The following RIMS4 variants were observed in gnomAD, a reference collection of about 807,000 sequenced individuals.
The protein encoded by RIMS4 is regulating synaptic membrane exocytosis 4, also known as regulating synaptic membrane exocytosis protein 4.
A neutral mutation model predicts 29.0 loss-of-function variants in RIMS4; 9 were observed. That is an observed-to-expected ratio of 0.31 (90% CI 0.19 to 0.54). The LOEUF is 0.54. RIMS4 is among the 20% of genes least tolerant of loss of function. The pLI, the probability that RIMS4 is intolerant of heterozygous loss-of-function variation, is 0.94. For missense variants in RIMS4, 193 were observed against 365.7 expected, an observed-to-expected ratio of 0.53 and a Z score of 3.85; for synonymous variants, 130 against 152.9, an observed-to-expected ratio of 0.85 and a Z score of 1.10.
At position 44,757,019 on chromosome 20, in the gene RIMS4, T is replaced by C; in HGVS notation, c.470A>G (p.Tyr157Cys). The C allele has an allele frequency of 1.2e-6, 2 of 1,613,980 alleles. No homozygotes were observed. The highest frequency in any genetic ancestry group is 8.5e-7 in the Non-Finnish European group (1 of 1,179,924). The change falls in exon 5 of 6, where the codon TAC becomes TGC. Residue 157 changes from tyrosine to cysteine, a missense_variant. Transcript: ENST00000372851. ...AATGCAGATGCCATTCTCTAGCAGG[T>C]AGGCCTTGATGTAGGCCGCTGGGGA... ...KTLPAAYIKA[Y>C]LLENGICIAK...
rs534425251 is a variant in RIMS4, at chr20:44,786,176, TC to T, written c.98-14764del. Among the ~76,000 whole-genome samples, 20 of 152,260 alleles carry T rather than the reference TC, an allele frequency of 1.3e-4. No individual in the cohort carries two copies. In the South Asian group the frequency reaches 3.1e-3, roughly 24 times the overall value. On this transcript the variant is annotated intron_variant, in intron 1 of 5. Transcript: ENST00000372851. ...GGCAGAGGACAGCATGTCCTTGTGC[TC>T]CCATCCTTCCCTATTTTTAACTCCA...
Position 44,810,185 on chromosome 20 carries a change from G to T in RIMS4, c.87C>A (p.Asp29Glu). The T allele has an allele frequency of 6.3e-7, 1 of 1,588,056 alleles. No individual in the cohort carries two copies. Among genetic ancestry groups the T allele is most frequent in the Non-Finnish European group, 8.6e-7 (1 of 1,165,378 alleles). ...IYFPCMNSFDDEDAGDSRRLK... is the reference protein window; with the variant it reads ...IYFPCMNSFDEEDAGDSRRLK... ...GGGCCGCGCGCTTACCTGCGTCCTC[G>T]TCGTCGAAGGAGTTCATGCACGGGA... The change falls in exon 1 of 6, where the codon GAC (aspartate) becomes GAA (glutamate). Residue 29 changes from aspartate (D) to glutamate (E), a missense_variant. Physicochemically the swap from Asp to Glu is conservative, Grantham distance 45. Coordinates refer to ENST00000372851, the MANE Select transcript of RIMS4 (RefSeq NM_182970.4).
At chr20:44,766,671 G>A (rs2066115039) in intron 2 of RIMS4, among the ~76,000 whole-genome samples, 1 of 152,196 alleles carries the variant, frequency 6.6e-6, no homozygotes, top group African/African-American at 2.4e-5. Context: ...ATTATGGATT[G>A]GAGAGGGGGA....
intron 1 of RIMS4, among the ~76,000 whole-genome samples, chr20:44,776,314 T>C (rs1362773431): frequency 6.6e-6 from 1 of 152,132 alleles, no homozygotes; most frequent in Non-Finnish European, 1.5e-5. Context: ...CTTCACTGCC[T>C]GCTGAATTAG....
chr20:44,757,115 G>T, intron 4 of RIMS4, 78 bp from the exon 5 acceptor site: 2 of 1,475,970 alleles, frequency 1.4e-6, no homozygotes, highest in Non-Finnish European at 1.9e-6. Context: ...GAGGGAGGCT[G>T]CCCACCCTCT....
intron 1 of RIMS4, among the ~76,000 whole-genome samples, chr20:44,799,210 G>A (rs963999749): frequency 3.3e-5 from 5 of 152,112 alleles, no homozygotes; most frequent in African/African-American, 1.2e-4. Context: ...GGCTGAGGCA[G>A]GAGAATTACA....
intron 1 of RIMS4, among the ~76,000 whole-genome samples, chr20:44,777,098 T>C (rs2066163349): frequency 6.6e-6 from 1 of 152,174 alleles, no homozygotes; most frequent in South Asian, 2.1e-4. Context: ...GGGGTAACTA[T>C]TCCATGGCAC....
At chr20:44,782,378 C>T (rs573964013) in intron 1 of RIMS4, among the ~76,000 whole-genome samples, 23 of 152,296 alleles carry the variant, frequency 1.5e-4, no homozygotes, top group African/African-American at 5.5e-4. Flanking sequence ...GATTCTCCTG[C>T]CTTAGCCTCC....
chr20:44,798,556 C>A (rs1385425313), intron 1 of RIMS4, among the ~76,000 whole-genome samples: 1 of 152,214 alleles, frequency 6.6e-6, no homozygotes, highest in Non-Finnish European at 1.5e-5. Flanking sequence ...CTGGCCAGAT[C>A]CCCCATGCTA....
chr20:44,757,531 A>G (rs2145442425), intron 4 of RIMS4, 139 bp downstream of exon 4: 1 of 682,582 alleles, frequency 1.5e-6, no homozygotes, highest in Non-Finnish European at 2.6e-6. Flanking sequence ...TAAACTACCA[A>G]TTCCACATAA....
At chr20:44,795,615 G>C (rs1328691650) in intron 1 of RIMS4, among the ~76,000 whole-genome samples, 1 of 151,876 alleles carries the variant, frequency 6.6e-6, no homozygotes, top group African/African-American at 2.4e-5. Context: ...CTGGGAGACA[G>C]AGCGAGACTC....
At chr20:44,806,342 A>C (rs1313960324) in intron 1 of RIMS4, among the ~76,000 whole-genome samples, 1 of 152,196 alleles carries the variant, frequency 6.6e-6, no homozygotes. Flanking sequence ...CTAGGCCCCA[A>C]GGCAGAGTGT....
At chr20:44,805,424 C>G (rs2066294370) in intron 1 of RIMS4, among the ~76,000 whole-genome samples, 1 of 152,184 alleles carries the variant, frequency 6.6e-6, no homozygotes, top group Non-Finnish European at 1.5e-5. Context: ...TTATCCAAAT[C>G]TACAAGAGTT....
intron 2 of RIMS4, among the ~76,000 whole-genome samples, chr20:44,766,849 C>T (rs2066115936): frequency 6.6e-6 from 1 of 152,214 alleles, no homozygotes; most frequent in Admixed American, 6.5e-5. Context: ...CCAGGCTTCT[C>T]TGGCCCCTGA....
rs2066034648 is a variant in RIMS4 at position 44,751,984 on chromosome 20, C to T, written c.*4150G>A. The T allele has an allele frequency of 6.6e-6, 1 of 152,254 alleles. No homozygotes were observed. The highest frequency in any genetic ancestry group is 1.5e-5 in the Non-Finnish European group (1 of 68,130). The allele number at this position is 152,254 out of a possible 1,614,324, so 9.4% of individuals were successfully genotyped here. A position where few individuals can be genotyped will look rare whatever the true frequency, so the allele number is the denominator to read the frequency against. On this transcript the variant is annotated 3_prime_UTR_variant, in exon 6 of 6. Transcript: ENST00000372851. ...GGGTGGATGGAGAGAGGCCCCCAGC[C>T]TAAGGACCCAGGCTCCTGCCTTCCC...
chr20:44,806,067 T>C (rs2066297387), intron 1 of RIMS4, among the ~76,000 whole-genome samples: 1 of 152,174 alleles, frequency 6.6e-6, no homozygotes, highest in African/African-American at 2.4e-5. Context: ...AGCCCAGAGA[T>C]GTGGCCCAAA....
intron 1 of RIMS4, among the ~76,000 whole-genome samples, chr20:44,807,721 C>G (rs1205891810): frequency 6.6e-6 from 1 of 152,194 alleles, no homozygotes; most frequent in African/African-American, 2.4e-5. Flanking sequence ...AAATTAATGA[C>G]TTTAAGGAGA....
At chr20:44,764,569 T>C (rs66841907) in intron 2 of RIMS4, among the ~76,000 whole-genome samples, 15,825 of 151,942 alleles carry the variant, frequency 0.1, 1,236 homozygotes, top group African/African-American at 0.21. Context: ...GATTGTGAGG[T>C]GGTGAGGGAA....
At chr20:44,796,247 G>A (rs1012603583) in intron 1 of RIMS4, among the ~76,000 whole-genome samples, 3 of 151,672 alleles carry the variant, frequency 2.0e-5, no homozygotes, top group Non-Finnish European at 4.4e-5. Flanking sequence ...CTTTATCACA[G>A]GCATGATCGG....
Sources: gnomAD v4.1 joint callset for allele counts (sites outside exome capture counted in the v4.1 genomes callset) on GRCh38, gnomAD v4.1.1 for gene constraint, MANE v1.5 for transcripts, NCBI Gene and HGNC (gene_info 2026-07-23, HGNC 2026-07-21) for gene names.